Variants in PCNX3 observed in about 807,000 individuals in gnomAD.
PCNX3 encodes the protein pecanex 3.
PCNX3 carries 58 observed loss-of-function variants against 207.2 expected under a neutral mutation model. The ratio of observed to expected loss-of-function variants is 0.28; its 90% CI spans 0.23 to 0.35. PCNX3 has a LOEUF of 0.35. PCNX3 is among the 10% of genes least tolerant of loss of function. PCNX3 has a pLI of 1.00. For synonymous variants in PCNX3, 1,337 were observed against 1,183.5 expected (o/e 1.13, Z -2.66); for missense variants, 2,410 against 2,774.4 (o/e 0.87, Z 2.95).
At chr11:65,633,575 G>A (rs908504232) in intron 27 of PCNX3, among the ~76,000 whole-genome samples, 1 of 152,194 alleles carries the variant, frequency 6.6e-6, no homozygotes, top group African/African-American at 2.4e-5. Context: ...GGATGCTCCC[G>A]CGCTCGGGGT....
At position 65,635,589 on chromosome 11, in the gene PCNX3, C is replaced by T. The variant is rs762153140; in HGVS notation, c.5245C>T (p.Arg1749Cys). 6.6e-5 allele frequency: 107 copies of T among 1,612,584 alleles called. No individual in the cohort carries two copies. The highest frequency in any genetic ancestry group is 4.9e-4 in the Middle Eastern group (3 of 6,084). ...AGQQQELVFLRNRNPERGSIQ... is the reference protein window; with the variant it reads ...AGQQQELVFLCNRNPERGSIQ... Reference sequence around the variant, plus strand: ...GCAGCAGCAGGAGCTGGTGTTCCTGCGCAACCGCAACCCCGAGCGTGGCAG... The same window carrying T: ...GCAGCAGCAGGAGCTGGTGTTCCTGTGCAACCGCAACCCCGAGCGTGGCAG... The change falls in exon 32 of 35, where the codon CGC becomes TGC. Residue 1749 changes from arginine (R) to cysteine (C), a missense_variant. This residue lies in a region of PCNX3 where 21 missense variants were observed against 79.2 expected (regional missense o/e 0.27). Transcript: ENST00000355703. This position sits in a 1 kb window ranked among gnomAD's most constrained non-coding sequence, Gnocchi z 9.9.
rs77200859 is a variant in PCNX3 at position 65,636,547 on chromosome 11, G to A, written c.5750G>A (p.Arg1917Gln). Reference sequence around the variant, plus strand: ...TCGCCTATCCCCACAGAGGGTCCCCGGACCTCACGGCCCCCTGGCCCGGGT... The same window carrying A: ...TCGCCTATCCCCACAGAGGGTCCCCAGACCTCACGGCCCCCTGGCCCGGGT... ...PASPIPTEGP[R>Q]TSRPPGPGLL... is the part of the protein sequence containing the mutation. The change falls in exon 34 of 35, where the codon CGG (arginine) becomes CAG (glutamine). Residue 1917 changes from arginine (R) to glutamine (Q), a missense_variant. Transcript: ENST00000355703. The A allele has an allele frequency of 0.04, 63,026 of 1,594,682 alleles. 1,634 individuals carry two copies. Among genetic ancestry groups the A allele is most frequent in the South Asian group, 0.093 (8,334 of 89,484 alleles).
chr11:65,627,051 G>A lies in PCNX3; in HGVS notation c.3524+3G>A, dbSNP rs1855429634. The A allele has an allele frequency of 6.7e-7, 1 of 1,501,912 alleles. No homozygotes were observed. Among genetic ancestry groups the A allele is most frequent in the African/African-American group, 1.4e-5 (1 of 71,138 alleles). The allele number at this position is 1,501,912 out of a possible 1,614,324, so 93.0% of individuals were successfully genotyped here. A position where few individuals can be genotyped will look rare whatever the true frequency, so the allele number is the denominator to read the frequency against. On this transcript the variant is annotated splice_donor_region_variant and intron_variant, in intron 21 of 34. Transcript: ENST00000355703. The stretch of plus-strand genomic sequence containing the variant: ...CACCCGGACAAGTACTGCTTCTAGT[G>A]AGGACCACCCCACCCTCAACGATCC...
At chr11:65,627,648 G>T in intron 22 of PCNX3, 66 bp downstream of exon 22, 3 of 1,558,778 alleles carry the variant, frequency 1.9e-6, no homozygotes, top group Non-Finnish European at 2.6e-6. Context: ...TTCTGCCTGG[G>T]TGGGAAGAGA....
chr11:65,629,038 A>G (rs889202268), intron 24 of PCNX3, 90 bp downstream of exon 24: 65 of 1,537,782 alleles, frequency 4.2e-5, no homozygotes, highest in Non-Finnish European at 5.5e-5. Context: ...AGAGGGGCCC[A>G]CAGCAGGTAT....
chr11:65,616,835 C>T lies in PCNX3; in HGVS notation c.165C>T (p.Pro55=). 2.5e-6 allele frequency: 4 copies of T among 1,611,656 alleles called. No homozygotes were observed. Among genetic ancestry groups the T allele is most frequent in the South Asian group, 1.1e-5 (1 of 91,032 alleles). ...ACTTTCATCTTCAGGTCCTGCCTCC[C>T]AGCTTGATGGTGGCCGGCGTGTACT... ...FPFLLYMVLP[P]SLMVAGVYCL... is the part of the protein sequence containing the mutation. Residue 55 remains proline, a synonymous_variant, in exon 2 of 35, where the codon CCC becomes CCT. Transcript: ENST00000355703.
Position 65,618,976 on chromosome 11 carries a change from T to C in PCNX3, c.1614T>C (p.Pro538=), listed in dbSNP as rs753537607. The change falls in exon 6 of 35, where the codon CCT becomes CCC. Residue 538 remains proline (P), a synonymous_variant. Transcript: ENST00000355703. The part of the protein sequence containing the change: ...QVGVEQAASE[P]VVLPAEARRG... ...GGGTGGAGCAGGCTGCTAGTGAGCC[T>C]GTTGTGCTGCCTGCTGAGGCGCGAA... 5 of 1,602,848 alleles carry C rather than the reference T, an allele frequency of 3.1e-6. No homozygotes were observed. The South Asian group carries it at 5.5e-5, about 18-fold the overall frequency.
chr11:65,619,128 A>C, intron 6 of PCNX3, 61 bp downstream of exon 6: 1 of 1,370,358 alleles, frequency 7.3e-7, no homozygotes, highest in Non-Finnish European at 1.0e-6. Flanking sequence ...GGGGTTGGGC[A>C]AAGGGCAGGT....
At chr11:65,630,674 T>C (rs543726304) in intron 27 of PCNX3, 70 bp downstream of exon 27, 7 of 1,548,292 alleles carry the variant, frequency 4.5e-6, no homozygotes, top group African/African-American at 1.4e-5. Flanking sequence ...GAGGCCCCAG[T>C]ACCCCCTTTC....
At position 65,618,795 on chromosome 11, in the gene PCNX3, C is replaced by A; in HGVS notation, c.1433C>A (p.Thr478Asn). The A allele has an allele frequency of 6.2e-7, 1 of 1,611,460 alleles. No homozygotes were observed. The highest frequency in any genetic ancestry group is 8.5e-7 in the Non-Finnish European group (1 of 1,179,358). Residue 478 changes from threonine to asparagine, a missense_variant, in exon 6 of 35, where the codon ACT becomes AAT. By Grantham distance (65) the Thr-to-Asn change is moderately conservative. This residue lies in a region of PCNX3 where 1,104 missense variants were observed against 970.3 expected (regional missense o/e 1.14). Transcript: ENST00000355703. ...RRAPHGAEEG[T>N]AVPPKRPYGT... ...GCCCCCCATGGGGCTGAGGAGGGAACTGCTGTGCCCCCCAAGCGGCCATAT... is the reference window on the plus strand; with the variant it reads ...GCCCCCCATGGGGCTGAGGAGGGAAATGCTGTGCCCCCCAAGCGGCCATAT...
Position 65,626,048 on chromosome 11 carries a change from G to C in PCNX3, c.3373G>C (p.Val1125Leu), listed in dbSNP as rs370415636. 6.2e-6 allele frequency: 10 copies of C among 1,604,102 alleles called. No homozygotes were observed. The highest frequency in any genetic ancestry group is 8.5e-6 in the Non-Finnish European group (10 of 1,175,916). Residue 1125 changes from valine (V) to leucine (L), a missense_variant, in exon 20 of 35, where the codon GTG becomes CTG. By Grantham distance (32) the Val-to-Leu change is conservative. This residue lies in a region of PCNX3 where 333 missense variants were observed against 386.8 expected (regional missense o/e 0.86). Coordinates refer to ENST00000355703, the MANE Select transcript of PCNX3 (RefSeq NM_032223.4). ...LKPLEYSQYE[V>L]RGAAQVMWFE... ...GCCGCTGGAGTACAGCCAGTATGAA[G>C]TGCGCGGTGAGTGCCCACCCCTGAT...
chr11:65,636,344 G>A (rs756553388), intron 33 of PCNX3, 37 bp downstream of exon 33: 3 of 1,606,164 alleles, frequency 1.9e-6, no homozygotes, highest in African/African-American at 2.7e-5. Context: ...CGTGGGTGAG[G>A]AGTGCAGCCC....
intron 6 of PCNX3, 140 bp from the exon 7 acceptor site, chr11:65,619,397 G>C: frequency 7.0e-7 from 1 of 1,438,534 alleles, no homozygotes; most frequent in Non-Finnish European, 9.2e-7. Flanking sequence ...GCATGGGGCT[G>C]TGTGACCTGG....
Position 65,625,833 on chromosome 11 carries a change from G to T in PCNX3, c.3229-71G>T, listed in dbSNP as rs1855358365. On this transcript the variant is annotated intron_variant, in intron 19 of 34. Coordinates refer to ENST00000355703, the MANE Select transcript of PCNX3 (RefSeq NM_032223.4). This position sits in a 1 kb window ranked among gnomAD's most constrained non-coding sequence, Gnocchi z 5.6. ...GCCGTGGGCAGCCCCTCCCCGGCCT[G>T]TGCCAGGTGGCCCTCTGTGGTCCCT... is the stretch of plus-strand genomic sequence containing the variant. 6.3e-7 allele frequency: 1 copy of T among 1,597,734 alleles called. No individual in the cohort carries two copies. Among genetic ancestry groups the T allele is most frequent in the Admixed American group, 1.7e-5 (1 of 59,316 alleles).
At position 65,622,365 on chromosome 11, in the gene PCNX3, C is replaced by G. The variant is rs1336656751; in HGVS notation, c.2356C>G (p.Arg786Gly). 3.9e-5 allele frequency: 62 copies of G among 1,591,066 alleles called. No individual in the cohort carries two copies. Among genetic ancestry groups the G allele is most frequent in the Non-Finnish European group, 5.2e-5 (61 of 1,171,148 alleles). The change falls in exon 11 of 35, where the codon CGG (arginine) becomes GGG (glycine). Residue 786 changes from arginine to glycine, a missense_variant and splice_region_variant. By Grantham distance (125) the Arg-to-Gly change is moderately radical. Around this residue, in one of 8 missense-constraint regions of PCNX3, gnomAD observed 177 missense variants for 257.5 expected, o/e 0.69. Coordinates refer to ENST00000355703, the MANE Select transcript of PCNX3 (RefSeq NM_032223.4). The stretch of plus-strand genomic sequence containing the variant: ...GCTTGCCCTGCTGGCTCTGCTGGAC[C>G]GGTGAGTGTCCCGCAGCCTTGGCCC... ...ERLALLALLD[R>G]TRGVLENIFG...
At position 65,636,910 on chromosome 11, in the gene PCNX3, G is replaced by A. The variant is rs779795244; in HGVS notation, c.6037G>A (p.Asp2013Asn). Residue 2013 changes from aspartate to asparagine, a missense_variant, in exon 35 of 35, where the codon GAC (aspartate) becomes AAC (asparagine). By Grantham distance (23) the Asp-to-Asn change is conservative (BLOSUM62 1). Coordinates refer to ENST00000355703, the MANE Select transcript of PCNX3 (RefSeq NM_032223.4). ...ESGTPMGALG[D>N]WPAPIEERES... Reference sequence around the variant, plus strand: ...TGGCACACCTATGGGTGCCCTGGGCGACTGGCCTGCCCCTATTGAGGAGCG... The same window carrying A: ...TGGCACACCTATGGGTGCCCTGGGCAACTGGCCTGCCCCTATTGAGGAGCG... 2 of 1,558,450 alleles carry A rather than the reference G, an allele frequency of 1.3e-6. No individual in the cohort carries two copies. The highest frequency in any genetic ancestry group is 1.7e-6 in the Non-Finnish European group (2 of 1,151,446).
rs1555002131 is a variant in PCNX3 at position 65,637,381 on chromosome 11, T to TC, written c.*403_*404insC. The TC allele has an allele frequency of 1.8e-4, 30 of 167,218 alleles. No homozygotes were observed. Among genetic ancestry groups the TC allele is most frequent in the East Asian group, 8.1e-4 (5 of 6,172 alleles). The allele number at this position is 167,218 out of a possible 1,614,324, so 10.4% of individuals were successfully genotyped here. A position where few individuals can be genotyped will look rare whatever the true frequency, so the allele number is the denominator to read the frequency against. On this transcript the variant is annotated 3_prime_UTR_variant, in exon 35 of 35. Transcript: ENST00000355703. ...TTCTTTCCTTTTTTTTCTTTTCTTT[T>TC]TTTTTTTTTTTTTTGTGCTTCGGAG...
chr11:65,631,285 C>T (rs1052880896), intron 27 of PCNX3, among the ~76,000 whole-genome samples: 1 of 152,148 alleles, frequency 6.6e-6, no homozygotes, highest in Non-Finnish European at 1.5e-5. Context: ...TCTGATCAGC[C>T]TGGAATGTTT....
At position 65,626,944 on chromosome 11, in the gene PCNX3, C is replaced by T. The variant is rs1484346883; in HGVS notation, c.3420C>T (p.Gly1140=). 6.3e-7 allele frequency: 1 copy of T among 1,581,190 alleles called. No individual in the cohort carries two copies. The highest frequency in any genetic ancestry group is 1.8e-5 in the Admixed American group (1 of 55,054). Residue 1140 remains glycine, a synonymous_variant, in exon 21 of 35, where the codon GGC becomes GGT. Coordinates refer to ENST00000355703, the MANE Select transcript of PCNX3 (RefSeq NM_032223.4). The part of the protein sequence containing the change: ...QVMWFEKLYA[G]LQCVEKYLIY... Reference sequence around the variant, plus strand: ...TGTGGTTTGAGAAGCTGTATGCTGGCCTGCAGTGCGTAGAGAAGTACCTCA... The same window carrying T: ...TGTGGTTTGAGAAGCTGTATGCTGGTCTGCAGTGCGTAGAGAAGTACCTCA...
Sources: allele counts gnomAD v4.1 joint callset (sites outside exome capture counted in the v4.1 genomes callset), GRCh38; gene constraint gnomAD v4.1.1; regional missense constraint gnomAD v4.1.1; non-coding constraint Gnocchi (gnomAD v3.1); transcripts MANE v1.5; gene names NCBI Gene and HGNC (gene_info 2026-07-23, HGNC 2026-07-21).